The following GPC5 variants were observed in gnomAD, a reference collection of about 807,000 sequenced individuals.
The protein encoded by GPC5 is glypican-5.
GPC5 carries 47 observed loss-of-function variants against 53.9 expected under a neutral mutation model. The observed-to-expected ratio is 0.87, with a 90% CI of 0.69 to 1.11. The LOEUF (loss-of-function observed/expected upper bound fraction) is 1.11, where lower values mean the gene tolerates loss of function less well. Among genes scored for constraint, GPC5 ranks in the 50% most tolerant of loss-of-function variants. The probability of loss-of-function intolerance (pLI) is 0.00; values close to 1 mark genes in which losing one functional copy is unlikely to be tolerated. For synonymous variants in GPC5, 286 were observed against 263.3 expected (o/e 1.09, Z -0.84); for missense variants, 748 against 713.1 (o/e 1.05, Z -0.56).
intron 7 of GPC5, among the ~76,000 whole-genome samples, chr13:92,173,591 T>A (rs1338151807): frequency 6.6e-6 from 1 of 152,210 alleles, no homozygotes. Context: ...TAGGAGTTGG[T>A]TTAATAAAGT....
At chr13:92,685,214 T>A (rs1211032233) in intron 7 of GPC5, among the ~76,000 whole-genome samples, 1 of 152,110 alleles carries the variant, frequency 6.6e-6, no homozygotes, top group Non-Finnish European at 1.5e-5. Flanking sequence ...TGCCTCAGCC[T>A]CCTGAGTAGC....
At chr13:91,909,963 A>G (rs2039593978) in intron 6 of GPC5, among the ~76,000 whole-genome samples, 1 of 152,124 alleles carries the variant, frequency 6.6e-6, no homozygotes, top group Non-Finnish European at 1.5e-5. Flanking sequence ...CTTTCTAGGA[A>G]TGTGAAGATG....
chr13:92,499,549 G>GAA (rs1360082077), intron 7 of GPC5, among the ~76,000 whole-genome samples: 3 of 151,908 alleles, frequency 2.0e-5, no homozygotes, highest in Non-Finnish European at 2.9e-5. Context: ...GAGACATGAA[G>GAA]AAGGCTGTGT....
Position 92,602,996 on chromosome 13 carries a change from C to T in GPC5, c.1562-263286C>T, listed in dbSNP as rs112664179. Among the ~76,000 whole-genome samples, 35 of 152,278 alleles carry T rather than the reference C, an allele frequency of 2.3e-4. 1 individual carries two copies. The highest frequency in any genetic ancestry group is 7.9e-4 in the African/African-American group (33 of 41,566). On this transcript the variant is annotated intron_variant, in intron 7 of 7. Coordinates refer to ENST00000377067, the MANE Select transcript of GPC5 (RefSeq NM_004466.6). ...TGATTCCTCCGGTAAGTTGGGATAG[C>T]ATGTGCAAAGTGTTGCCTGCCTAGG...
At chr13:92,800,542 C>A (rs1472688913) in intron 7 of GPC5, among the ~76,000 whole-genome samples, 3 of 151,806 alleles carry the variant, frequency 2.0e-5, no homozygotes, top group Non-Finnish European at 4.4e-5. Context: ...ACTAACGAAC[C>A]CTGTGAAAAT....
chr13:92,486,324 A>G (rs993485), intron 7 of GPC5, among the ~76,000 whole-genome samples: 89,254 of 151,972 alleles, frequency 0.59, 26,898 homozygotes, highest in East Asian at 0.76. Flanking sequence ...CTATCCTCCT[A>G]TCCTCAGATC....
intron 7 of GPC5, among the ~76,000 whole-genome samples, chr13:92,375,469 C>A (rs539746438): frequency 6.6e-6 from 1 of 152,104 alleles, no homozygotes; most frequent in Admixed American, 6.5e-5. Flanking sequence ...AATAGACATA[C>A]AATAAGTAAA....
chr13:91,782,539 A>G (rs1196284672), intron 5 of GPC5, among the ~76,000 whole-genome samples: 1 of 152,106 alleles, frequency 6.6e-6, no homozygotes, highest in Non-Finnish European at 1.5e-5. Context: ...TGAGAATAGC[A>G]TGGGGGAACC....
intron 7 of GPC5, among the ~76,000 whole-genome samples, chr13:92,828,037 G>A (rs574933257): frequency 6.6e-6 from 1 of 152,182 alleles, no homozygotes; most frequent in Admixed American, 6.6e-5. Flanking sequence ...AATAGGCAAA[G>A]CATAGAGAAA....
intron 7 of GPC5, among the ~76,000 whole-genome samples, chr13:92,750,903 A>G (rs1012339058): frequency 1.3e-5 from 2 of 152,194 alleles, no homozygotes; most frequent in East Asian, 1.9e-4. Flanking sequence ...TGCTATATCC[A>G]TAACACTCCC....
chr13:92,237,862 TTC>T (rs1386933784), intron 7 of GPC5, among the ~76,000 whole-genome samples: 1 of 152,102 alleles, frequency 6.6e-6, no homozygotes. Context: ...CTAATCTACT[TTC>T]TGTCTTAATA....
At chr13:92,078,236 G>C (rs940678835) in intron 6 of GPC5, among the ~76,000 whole-genome samples, 9 of 152,168 alleles carry the variant, frequency 5.9e-5, no homozygotes, top group African/African-American at 2.2e-4. Context: ...AAGAGATTCA[G>C]GACAAAGACA....
At chr13:92,831,039 G>C (rs1355473662) in intron 7 of GPC5, among the ~76,000 whole-genome samples, 2 of 152,130 alleles carry the variant, frequency 1.3e-5, no homozygotes, top group African/African-American at 4.8e-5. Context: ...TCTAGGTTTA[G>C]AGCTTGATGT....
chr13:92,530,548 T>G (rs1287026662), intron 7 of GPC5, among the ~76,000 whole-genome samples: 1 of 152,102 alleles, frequency 6.6e-6, no homozygotes, highest in Admixed American at 6.6e-5. Flanking sequence ...TGGTTAGAAC[T>G]CCCTCCTGTG....
intron 6 of GPC5, among the ~76,000 whole-genome samples, chr13:92,028,062 A>C (rs924387144): frequency 6.6e-6 from 1 of 152,216 alleles, no homozygotes; most frequent in Non-Finnish European, 1.5e-5. Context: ...TTGGAGGGAA[A>C]TACTACTACA....
intron 7 of GPC5, among the ~76,000 whole-genome samples, chr13:92,661,788 T>C (rs1348020012): frequency 1.3e-5 from 2 of 152,226 alleles, no homozygotes; most frequent in Non-Finnish European, 2.9e-5. Context: ...ATGGAAGTTA[T>C]GCCAGCTTAA....
At chr13:91,485,155 T>C (rs527983247) in intron 2 of GPC5, among the ~76,000 whole-genome samples, 1 of 151,946 alleles carries the variant, frequency 6.6e-6, no homozygotes, top group South Asian at 2.1e-4. Context: ...ACATATACAA[T>C]CTGAATTTTC....
chr13:92,452,875 TCTTA>T (rs1878121475), intron 7 of GPC5, among the ~76,000 whole-genome samples: 1 of 152,152 alleles, frequency 6.6e-6, no homozygotes, highest in East Asian at 1.9e-4. Flanking sequence ...GTCAGATTAC[TCTTA>T]TTTTTATAGG....
rs189663912 is a variant in GPC5 at position 91,902,119 on chromosome 13, G to T, written c.1281-5818G>T. 1.5e-3 allele frequency among the ~76,000 whole-genome samples: 231 copies of T among 151,952 alleles called. 1 individual carries two copies. Among genetic ancestry groups the T allele is most frequent in the Non-Finnish European group, 1.7e-3 (113 of 67,892 alleles). On this transcript the variant is annotated intron_variant, in intron 5 of 7. Transcript: ENST00000377067. ...ATTCCAGGGTCAGATTCCAGATATT[G>T]TTTCCCCTGAAACTGTGTAAGTGCA...
Sources: gnomAD v4.1 joint callset for allele counts (sites outside exome capture counted in the v4.1 genomes callset) on GRCh38, gnomAD v4.1.1 for gene constraint, MANE v1.5 for transcripts, NCBI Gene and HGNC (gene_info 2026-07-23, HGNC 2026-07-21) for gene names.